Variants in EXD3 observed in about 807,000 individuals in gnomAD.
EXD3 encodes exonuclease mut-7 homolog.
In EXD3, 92 loss-of-function variants were observed where a neutral mutation model predicts 98.0. The observed-to-expected ratio is 0.94, with a 90% CI of 0.79 to 1.12. The LOEUF (loss-of-function observed/expected upper bound fraction) is 1.12, where lower values mean the gene tolerates loss of function less well. Ranked by LOEUF, EXD3 falls within the 50% of genes most tolerant of loss-of-function variation. EXD3 has a pLI of 0.00. For synonymous variants in EXD3, 569 were observed against 526.0 expected (o/e 1.08, Z -1.12); for missense variants, 1,222 against 1,191.6 (o/e 1.03, Z -0.38).
chr9:137,353,816 G>A (rs1018992149), intron 10 of EXD3: 2 of 986,186 alleles, frequency 2.0e-6, no homozygotes, highest in Non-Finnish European at 2.4e-6. Flanking sequence ...CCACCCCACG[G>A]CCTCGAGGAG....
At chr9:137,363,491 C>A (rs1243594848) in intron 7 of EXD3, among the ~76,000 whole-genome samples, 1 of 151,672 alleles carries the variant, frequency 6.6e-6, no homozygotes, top group Non-Finnish European at 1.5e-5. Context: ...GTGCCTGCCA[C>A]CATGCCTGGC....
At chr9:137,340,653 A>C (rs902905367) in intron 17 of EXD3, among the ~76,000 whole-genome samples, 19 of 151,736 alleles carry the variant, frequency 1.3e-4, no homozygotes, top group African/African-American at 4.6e-4. Context: ...TCGGTCCCCC[A>C]GGTGGCCAGG....
chr9:137,355,472 GGAGGAA>G (rs1834609548), intron 8 of EXD3, among the ~76,000 whole-genome samples: 4 of 116,192 alleles, frequency 3.4e-5, no homozygotes, highest in African/African-American at 4.0e-5. Flanking sequence ...AAAGGAGGAA[GGAGGAA>G]GGAGGAAGGA....
chr9:137,331,023 G>A (rs966096341), intron 17 of EXD3, among the ~76,000 whole-genome samples: 3 of 152,124 alleles, frequency 2.0e-5, no homozygotes, highest in Non-Finnish European at 4.4e-5. Flanking sequence ...CCCTGCAAAC[G>A]GAATCCAACA....
At chr9:137,389,676 A>G (rs10122958) in intron 2 of EXD3, among the ~76,000 whole-genome samples, 31,953 of 152,002 alleles carry the variant, frequency 0.21, 5,292 homozygotes, top group African/African-American at 0.46. Context: ...CAGTGAGACC[A>G]GCAAGGAGCT....
intron 7 of EXD3, chr9:137,366,279 A>G (rs765469587): frequency 1.4e-6 from 1 of 728,364 alleles, no homozygotes; most frequent in Non-Finnish European, 2.4e-6. Flanking sequence ...AACTCTTTTC[A>G]CTCGGGAGAA....
At chr9:137,391,276 C>T (rs140831782) in intron 2 of EXD3, among the ~76,000 whole-genome samples, 5 of 152,230 alleles carry the variant, frequency 3.3e-5, no homozygotes, top group East Asian at 1.9e-4. Flanking sequence ...GCCTCTCCTG[C>T]GGGCCCTGCC....
intron 4 of EXD3, 33 bp downstream of exon 4, chr9:137,373,393 G>A (rs1381038676): frequency 1.3e-6 from 2 of 1,597,018 alleles, no homozygotes; most frequent in South Asian, 2.2e-5. Context: ...GGGGCAGGAA[G>A]GGAGGTGACT....
chr9:137,349,681 G>T lies in EXD3; in HGVS notation c.1495-150C>A. The T allele has an allele frequency of 1.1e-6, 1 of 881,552 alleles. No homozygotes were observed. Among genetic ancestry groups the T allele is most frequent in the Non-Finnish European group, 1.6e-6 (1 of 613,224 alleles). 54.6% of individuals were successfully genotyped at this position (881,552 alleles called of 1,614,324 possible). ...ACAGCAGAGACGGGGAGAAGGAGCGGACACATCCGAGGAGAGGCTCCACGT... is the reference window on the plus strand; with the variant it reads ...ACAGCAGAGACGGGGAGAAGGAGCGTACACATCCGAGGAGAGGCTCCACGT... On this transcript the variant is annotated intron_variant, in intron 14 of 21. Coordinates refer to ENST00000340951, the MANE Select transcript of EXD3 (RefSeq NM_017820.5). This position sits in a 1 kb window ranked among gnomAD's most constrained non-coding sequence, Gnocchi z 7.4.
At chr9:137,414,108 G>C (rs989791899) in intron 1 of EXD3, among the ~76,000 whole-genome samples, 2 of 152,058 alleles carry the variant, frequency 1.3e-5, no homozygotes, top group Admixed American at 6.6e-5. Context: ...GTAGAGACGG[G>C]GTTTCACTGT....
intron 19 of EXD3, among the ~76,000 whole-genome samples, chr9:137,318,128 C>G (rs1435109283): frequency 6.6e-6 from 1 of 152,168 alleles, no homozygotes; most frequent in Non-Finnish European, 1.5e-5. Context: ...GGCTCTGAAG[C>G]CCCTGTCCAC....
At chr9:137,330,234 ACTACACAGGAG>A (rs1832955461) in intron 17 of EXD3, among the ~76,000 whole-genome samples, 5 of 138,822 alleles carry the variant, frequency 3.6e-5, no homozygotes, top group Admixed American at 3.5e-4. Flanking sequence ...ACTACACAGG[ACTACACAGGAG>A]CTACACAGGG....
chr9:137,314,232 C>T (rs1831516743), intron 19 of EXD3, among the ~76,000 whole-genome samples: 1 of 152,204 alleles, frequency 6.6e-6, no homozygotes, highest in South Asian at 2.1e-4. Flanking sequence ...CCACGCTGTC[C>T]CCAGAGTGCC....
chr9:137,313,425 GC>G (rs1241336471), intron 19 of EXD3, among the ~76,000 whole-genome samples: 1 of 152,168 alleles, frequency 6.6e-6, no homozygotes, highest in African/African-American at 2.4e-5. Context: ...CTGGGAATGA[GC>G]CCAGGTCCCT....
chr9:137,327,322 A>T (rs1029798060), intron 17 of EXD3, among the ~76,000 whole-genome samples: 1 of 152,008 alleles, frequency 6.6e-6, no homozygotes. Context: ...TCTAATAGAG[A>T]CAGGGTTTCA....
At position 137,349,903 on chromosome 9, in the gene EXD3, G is replaced by C. The variant is rs372125875; in HGVS notation, c.1495-372C>G. Among the ~76,000 whole-genome samples, 3 of 152,170 alleles carry C rather than the reference G, an allele frequency of 2.0e-5. No individual in the cohort carries two copies. The highest frequency in any genetic ancestry group is 3.9e-4 in the East Asian group (2 of 5,142). On this transcript the variant is annotated intron_variant, in intron 14 of 21. Coordinates refer to ENST00000340951, the MANE Select transcript of EXD3 (RefSeq NM_017820.5). This position sits in a 1 kb window ranked among gnomAD's most constrained non-coding sequence, Gnocchi z 7.4. The stretch of plus-strand genomic sequence containing the variant: ...CCGTGCATAAAACAGCAGAAACGCA[G>C]ACAAAATGCAGCGAAACCACCCCCG...
chr9:137,328,066 A>G (rs1035978246), intron 17 of EXD3, among the ~76,000 whole-genome samples: 1 of 145,922 alleles, frequency 6.9e-6, no homozygotes, highest in African/African-American at 2.5e-5. Context: ...GATGAGTAAA[A>G]ACAACTAACA....
At chr9:137,353,369 G>A (rs2119234798) in intron 10 of EXD3, 2 of 985,332 alleles carry the variant, frequency 2.0e-6, no homozygotes, top group Non-Finnish European at 2.4e-6. Context: ...ATGTTTTCTG[G>A]AGCACCTGCC....
chr9:137,324,537 A>G lies in EXD3; in HGVS notation c.1999-394T>C, dbSNP rs1372196953. 6.6e-6 allele frequency among the ~76,000 whole-genome samples: 1 copy of G among 152,174 alleles called. No homozygotes were observed. Among genetic ancestry groups the G allele is most frequent in the Non-Finnish European group, 1.5e-5 (1 of 68,036 alleles). ...GGGAGCCAACTACACATCAAAAATGAAGAAAACCCTGCAATGACGATGCTC... is the reference window on the plus strand; with the variant it reads ...GGGAGCCAACTACACATCAAAAATGGAGAAAACCCTGCAATGACGATGCTC... On this transcript the variant is annotated intron_variant, in intron 17 of 21. Coordinates refer to ENST00000340951, the MANE Select transcript of EXD3 (RefSeq NM_017820.5). This position sits in a 1 kb window ranked among gnomAD's most constrained non-coding sequence, Gnocchi z 4.1.
Sources: allele counts gnomAD v4.1 joint callset (sites outside exome capture counted in the v4.1 genomes callset), GRCh38; gene constraint gnomAD v4.1.1; non-coding constraint Gnocchi (gnomAD v3.1); transcripts MANE v1.5; gene names NCBI Gene and HGNC (gene_info 2026-07-23, HGNC 2026-07-21).